Variants in PTPRD observed in about 807,000 individuals in gnomAD.
The protein encoded by PTPRD is protein tyrosine phosphatase receptor type D.
In PTPRD, 34 loss-of-function variants were observed where a neutral mutation model predicts 214.5. The observed-to-expected ratio is 0.16, with a 90% confidence interval of 0.12 to 0.21. PTPRD has a LOEUF of 0.21. Ranked by LOEUF, PTPRD falls within the 10% of genes least tolerant of loss-of-function variation. The probability of loss-of-function intolerance (pLI) is 1.00; values close to 1 mark genes in which losing one functional copy is unlikely to be tolerated. For missense variants in PTPRD, 2,545 were observed against 2,398.7 expected (o/e 1.06, Z -1.27); for synonymous variants, 1,128 against 845.7 (o/e 1.33, Z -5.79).
chr9:9,969,260 G>A (rs2094926372), intron 4 of PTPRD, among the ~76,000 whole-genome samples: 1 of 152,146 alleles, frequency 6.6e-6, no homozygotes, highest in African/African-American at 2.4e-5. Context: ...CACAGTCTCA[G>A]GGATAGTCTA....
chr9:9,746,085 G>C (rs1352270920), intron 6 of PTPRD, among the ~76,000 whole-genome samples: 1 of 152,058 alleles, frequency 6.6e-6, no homozygotes, highest in Non-Finnish European at 1.5e-5. Flanking sequence ...GAGAAAATCT[G>C]CAATGCTTAA....
intron 2 of PTPRD, among the ~76,000 whole-genome samples, chr9:10,584,017 CCT>C (rs1435889285): frequency 6.6e-6 from 1 of 152,026 alleles, no homozygotes; most frequent in Non-Finnish European, 1.5e-5. Flanking sequence ...AAGGAGCTTT[CCT>C]CTGTTAGTGA....
At chr9:8,350,746 A>G (rs968902292) in intron 39 of PTPRD, among the ~76,000 whole-genome samples, 8 of 151,070 alleles carry the variant, frequency 5.3e-5, no homozygotes, top group African/African-American at 1.9e-4. Flanking sequence ...CTTTGACAAA[A>G]TATTCAGCTG....
chr9:10,321,221 T>C (rs1565277007), intron 3 of PTPRD, among the ~76,000 whole-genome samples: 3 of 151,740 alleles, frequency 2.0e-5, no homozygotes, highest in Non-Finnish European at 4.4e-5. Flanking sequence ...AAAAAAACAA[T>C]GAGAACTGCT....
chr9:8,476,514 T>C (rs751777273), intron 30 of PTPRD, among the ~76,000 whole-genome samples: 6 of 152,184 alleles, frequency 3.9e-5, no homozygotes, highest in Non-Finnish European at 8.8e-5. Flanking sequence ...GAACTTTCTG[T>C]CACTCCCACC....
chr9:10,320,853 G>A (rs971375607), intron 3 of PTPRD, among the ~76,000 whole-genome samples: 10 of 151,970 alleles, frequency 6.6e-5, no homozygotes, highest in South Asian at 4.2e-4. Flanking sequence ...TTAGCCTCCC[G>A]AGTAGCTGGG....
At chr9:9,598,774 C>A (rs149523963) in intron 7 of PTPRD, among the ~76,000 whole-genome samples, 2 of 152,070 alleles carry the variant, frequency 1.3e-5, no homozygotes, top group Non-Finnish European at 2.9e-5. Flanking sequence ...ATTAATCAAT[C>A]TCTATCACAG....
At chr9:8,973,076 T>G (rs1339009031) in intron 11 of PTPRD, among the ~76,000 whole-genome samples, 1 of 151,972 alleles carries the variant, frequency 6.6e-6, no homozygotes, top group Non-Finnish European at 1.5e-5. Flanking sequence ...TGATTCAAAT[T>G]AAAGAAATTG....
chr9:10,520,817 G>C (rs948610466), intron 2 of PTPRD, among the ~76,000 whole-genome samples: 1 of 151,922 alleles, frequency 6.6e-6, no homozygotes, highest in Non-Finnish European at 1.5e-5. Flanking sequence ...CTAGATGACA[G>C]CACATCTGTT....
intron 21 of PTPRD, among the ~76,000 whole-genome samples, chr9:8,509,780 A>C (rs1378525466): frequency 6.6e-6 from 1 of 152,156 alleles, no homozygotes; most frequent in Admixed American, 6.5e-5. Context: ...GTTTCTATTA[A>C]GAGCCCCTTC....
chr9:8,753,291 T>C (rs994225503), intron 11 of PTPRD, among the ~76,000 whole-genome samples: 1 of 152,214 alleles, frequency 6.6e-6, no homozygotes, highest in Non-Finnish European at 1.5e-5. Flanking sequence ...GGTGATATAA[T>C]GGAAGTGACG....
intron 2 of PTPRD, among the ~76,000 whole-genome samples, chr9:10,362,631 C>T (rs966932310): frequency 6.6e-6 from 1 of 152,076 alleles, no homozygotes; most frequent in Non-Finnish European, 1.5e-5. Flanking sequence ...CCTGGAATCC[C>T]AGCACTTTGG....
intron 9 of PTPRD, among the ~76,000 whole-genome samples, chr9:9,384,208 A>T (rs940677294): frequency 1.8e-4 from 28 of 151,986 alleles, no homozygotes; most frequent in African/African-American, 6.3e-4. Context: ...ACTAGTAGGT[A>T]TAGAAGATGA....
intron 7 of PTPRD, among the ~76,000 whole-genome samples, chr9:9,670,234 T>G (rs1045129454): frequency 6.6e-6 from 1 of 152,170 alleles, no homozygotes; most frequent in Non-Finnish European, 1.5e-5. Flanking sequence ...ATGGTTTGGC[T>G]GTGTCCCCAC....
chr9:8,629,586 A>C (rs150632338), intron 14 of PTPRD, among the ~76,000 whole-genome samples: 4 of 151,904 alleles, frequency 2.6e-5, no homozygotes, highest in African/African-American at 9.6e-5. Context: ...ACAATTAGTT[A>C]AGGCACAGTC....
intron 39 of PTPRD, among the ~76,000 whole-genome samples, chr9:8,362,829 A>G (rs1347952104): frequency 6.6e-6 from 1 of 152,224 alleles, no homozygotes; most frequent in Admixed American, 6.5e-5. Context: ...AAGATCATAC[A>G]GTTTTATCCA....
At chr9:9,451,119 C>T (rs62533166) in intron 8 of PTPRD, among the ~76,000 whole-genome samples, 1 of 151,606 alleles carries the variant, frequency 6.6e-6, no homozygotes, top group Non-Finnish European at 1.5e-5. Flanking sequence ...GTCAGCATTA[C>T]CCTCTCTAAA....
In PTPRD at chr9:10,074,675, T is replaced by C. The variant is rs1238598702; in HGVS notation, c.-544-40885A>G. ...TTGAGGTTATTCAGAAATTCCTCTG[T>C]ACCAGCTCTGATTTAGAGGAAAGAG... is the stretch of plus-strand genomic sequence containing the variant. On this transcript the variant is annotated intron_variant, in intron 3 of 45. Coordinates refer to ENST00000381196, the MANE Select transcript of PTPRD (RefSeq NM_002839.4). Among the ~76,000 whole-genome samples, 12 of 152,266 alleles carry C rather than the reference T, an allele frequency of 7.9e-5. No individual in the cohort carries two copies. In the East Asian group the frequency reaches 2.1e-3, roughly 27 times the overall value.
intron 10 of PTPRD, among the ~76,000 whole-genome samples, chr9:9,178,088 G>A (rs1452203372): frequency 6.6e-6 from 1 of 152,046 alleles, no homozygotes; most frequent in Non-Finnish European, 1.5e-5. Context: ...AAGGCAGGTA[G>A]CTTTTGTATC....
Sources: gnomAD v4.1 joint callset for allele counts (sites outside exome capture counted in the v4.1 genomes callset) on GRCh38, gnomAD v4.1.1 for gene constraint, MANE v1.5 for transcripts, NCBI Gene and HGNC (gene_info 2026-07-23, HGNC 2026-07-21) for gene names.